SLC25A26: variants seen among roughly 807,000 people sequenced by gnomAD.
The protein encoded by SLC25A26 is solute carrier family 25 member 26.
Under a neutral mutation model 37.8 loss-of-function variants are expected in SLC25A26, and 36 were observed. The observed-to-expected ratio is 0.95, with a 90% CI of 0.73 to 1.26. The LOEUF (loss-of-function observed/expected upper bound fraction) is 1.26, where lower values mean the gene tolerates loss of function less well. Among genes scored for constraint, SLC25A26 ranks in the 50% most tolerant of loss-of-function variants. SLC25A26 has a pLI of 0.00. For synonymous variants in SLC25A26, 129 were observed against 122.5 expected (o/e 1.05, Z -0.35); for missense variants, 390 against 331.1 (o/e 1.18, Z -1.38).
rs1700783414 is a variant in SLC25A26, at chr3:66,378,082, G to T, written c.*275G>T. 1.5e-5 allele frequency: 5 copies of T among 323,848 alleles called. No individual in the cohort carries two copies. The highest frequency in any genetic ancestry group is 2.3e-5 in the Non-Finnish European group (4 of 175,644). The allele number at this position is 323,848 out of a possible 1,614,324, so 20.1% of individuals were successfully genotyped here. On this transcript the variant is annotated 3_prime_UTR_variant, in exon 10 of 10. Transcript: ENST00000354883. ...AATAAATAAGTTTGGTAATGCTGAG[G>T]CCAGGCCTTTTAGAGCTTTCATTTG...
At chr3:66,321,676 AAGTTG>A (rs1324586134) in intron 5 of SLC25A26, among the ~76,000 whole-genome samples, 2 of 152,036 alleles carry the variant, frequency 1.3e-5, no homozygotes, top group Non-Finnish European at 1.5e-5. Context: ...ACAATGGCAA[AAGTTG>A]AGTTAACATT....
chr3:66,192,654 T>C (rs1449683947), intron 1 of SLC25A26, among the ~76,000 whole-genome samples: 1 of 152,222 alleles, frequency 6.6e-6, no homozygotes, highest in African/African-American at 2.4e-5. Flanking sequence ...TTAGAAGTCC[T>C]TATTGCTTCT....
intron 5 of SLC25A26, among the ~76,000 whole-genome samples, chr3:66,290,861 A>G (rs374044520): frequency 3.6e-4 from 55 of 151,968 alleles, no homozygotes; most frequent in African/African-American, 1.2e-3. Context: ...CTCTTTTTCT[A>G]TTGTTTGGAA....
At chr3:66,324,502 T>G (rs963193914) in intron 5 of SLC25A26, among the ~76,000 whole-genome samples, 14 of 152,182 alleles carry the variant, frequency 9.2e-5, no homozygotes, top group African/African-American at 3.4e-4. Flanking sequence ...GGCCTCTGGC[T>G]GCATGATTCC....
chr3:66,312,929 G>A (rs1051002929), intron 5 of SLC25A26, among the ~76,000 whole-genome samples: 2 of 152,052 alleles, frequency 1.3e-5, no homozygotes, highest in African/African-American at 4.8e-5. Context: ...GCTACATATC[G>A]GAGCTGTTCC....
intron 5 of SLC25A26, among the ~76,000 whole-genome samples, chr3:66,336,077 A>T (rs1230291632): frequency 6.6e-6 from 1 of 152,204 alleles, no homozygotes; most frequent in Non-Finnish European, 1.5e-5. Context: ...ATCTATACAA[A>T]TGATTTGAAT....
chr3:66,267,033 A>G (rs961974361), intron 5 of SLC25A26, among the ~76,000 whole-genome samples: 7 of 152,156 alleles, frequency 4.6e-5, no homozygotes, highest in Non-Finnish European at 1.0e-4. Context: ...TGGAGTGCCT[A>G]CTGGGTCTTG....
At chr3:66,351,797 C>T (rs2076459507) in intron 6 of SLC25A26, among the ~76,000 whole-genome samples, 1 of 152,132 alleles carries the variant, frequency 6.6e-6, no homozygotes, top group Non-Finnish European at 1.5e-5. Context: ...ATTCTTTTAT[C>T]CTTCATCATC....
intron 5 of SLC25A26, among the ~76,000 whole-genome samples, chr3:66,286,243 G>T (rs1200430163): frequency 6.6e-6 from 1 of 152,014 alleles, no homozygotes; most frequent in Admixed American, 6.6e-5. Flanking sequence ...ATTGTACTTT[G>T]GATGTCATCT....
chr3:66,230,079 T>G (rs1347010018), intron 1 of SLC25A26, among the ~76,000 whole-genome samples: 1 of 152,214 alleles, frequency 6.6e-6, no homozygotes, highest in Non-Finnish European at 1.5e-5. Flanking sequence ...ACTGCAAGAT[T>G]TTTTCTGAAC....
intron 1 of SLC25A26, among the ~76,000 whole-genome samples, chr3:66,157,064 C>G (rs2070293704): frequency 2.0e-5 from 3 of 152,030 alleles, no homozygotes; most frequent in African/African-American, 4.8e-5. Context: ...GAGACCCCAT[C>G]TCCACAAAAA....
chr3:66,231,103 A>C (rs912688135), intron 1 of SLC25A26, among the ~76,000 whole-genome samples: 3 of 152,192 alleles, frequency 2.0e-5, no homozygotes, highest in Non-Finnish European at 4.4e-5. Flanking sequence ...TGAACCTGGG[A>C]GGCAGAGGTT....
intron 1 of SLC25A26, among the ~76,000 whole-genome samples, chr3:66,184,105 G>C (rs1426413825): frequency 6.6e-6 from 1 of 151,598 alleles, no homozygotes; most frequent in African/African-American, 2.4e-5. Context: ...CACCCTCCCC[G>C]TGACTGAGAC....
chr3:66,179,711 T>C (rs531650797), intron 1 of SLC25A26, among the ~76,000 whole-genome samples: 3 of 152,292 alleles, frequency 2.0e-5, no homozygotes, highest in South Asian at 2.1e-4. Flanking sequence ...AACTTCTTGT[T>C]ACTGGGCTTT....
intron 9 of SLC25A26, among the ~76,000 whole-genome samples, chr3:66,373,898 A>G (rs1222608060): frequency 1.3e-5 from 2 of 152,100 alleles, no homozygotes; most frequent in African/African-American, 2.4e-5. Flanking sequence ...GCCTCCCCCA[A>G]CAGCTCAAAG....
chr3:66,236,273 T>G lies in SLC25A26; in HGVS notation c.34-271T>G, dbSNP rs139788303. Among the ~76,000 whole-genome samples, 817 of 148,122 alleles carry G rather than the reference T, an allele frequency of 5.5e-3. 5 individuals carry two copies. The highest frequency in any genetic ancestry group is 0.019 in the African/African-American group (743 of 40,068). On this transcript the variant is annotated intron_variant, in intron 1 of 9. Transcript: ENST00000354883. ...TGTGAGTACTATATTAACAATGAAT[T>G]TAAATTTTGTTTAAAAATTTTTTTA... is the stretch of plus-strand genomic sequence containing the variant.
At position 66,311,677 on chromosome 3, in the gene SLC25A26, T is replaced by C. The variant is rs889389473; in HGVS notation, c.454-34687T>C. ...ATGACTTTTGGATAGGGTTTTTGCG[T>C]GGGTGTCCTTTTTGTTTTTGTTGAT... On this transcript the variant is annotated intron_variant, in intron 5 of 9. Coordinates refer to ENST00000354883, the MANE Select transcript of SLC25A26 (RefSeq NM_001379210.1). Among the ~76,000 whole-genome samples, 3 of 152,146 alleles carry C rather than the reference T, an allele frequency of 2.0e-5. No individual in the cohort carries two copies. The South Asian group carries it at 6.2e-4, about 32-fold the overall frequency.
intron 5 of SLC25A26, among the ~76,000 whole-genome samples, chr3:66,335,963 A>G (rs1227670389): frequency 2.0e-5 from 3 of 152,146 alleles, no homozygotes; most frequent in Non-Finnish European, 4.4e-5. Context: ...GGAGGAAGCT[A>G]TGGAGCTGTT....
chr3:66,178,274 T>C (rs1461265469), intron 1 of SLC25A26, among the ~76,000 whole-genome samples: 1 of 152,092 alleles, frequency 6.6e-6, no homozygotes, highest in African/African-American at 2.4e-5. Context: ...TTCTTTCCTG[T>C]TTTCCTTCAG....
Sources: gnomAD v4.1 joint callset for allele counts (sites outside exome capture counted in the v4.1 genomes callset) on GRCh38, gnomAD v4.1.1 for gene constraint, MANE v1.5 for transcripts, NCBI Gene and HGNC (gene_info 2026-07-23, HGNC 2026-07-21) for gene names.